ODAD2: variants seen among roughly 807,000 people sequenced by gnomAD.
The protein encoded by ODAD2 is outer dynein arm-docking complex subunit 2.
Under a neutral mutation model 106.8 loss-of-function variants are expected in ODAD2, and 89 were observed. That is an observed-to-expected ratio of 0.83 (90% confidence interval 0.70 to 0.99). The LOEUF (loss-of-function observed/expected upper bound fraction) is 0.99. ODAD2 is among the 50% of genes least tolerant of loss of function. The pLI is 0.00. For synonymous variants in ODAD2, 404 were observed against 436.2 expected (o/e 0.93, Z 0.92); for missense variants, 1,168 against 1,238.5 (o/e 0.94, Z 0.85).
Position 27,952,959 on chromosome 10 carries a change from T to A in ODAD2, c.1387-7997A>T, listed in dbSNP as rs149226430. Among the ~76,000 whole-genome samples, 78 of 152,354 alleles carry A rather than the reference T, an allele frequency of 5.1e-4. 1 individual carries two copies. The East Asian group carries it at 8.1e-3, about 16-fold the overall frequency. On this transcript the variant is annotated intron_variant, in intron 10 of 19. Coordinates refer to ENST00000305242, the MANE Select transcript of ODAD2 (RefSeq NM_018076.5). ...ATGCAAGTCTTCTCAAACTGTAGTG[T>A]GCATATATTGTTTTTCTCTTTGTTT...
intron 16 of ODAD2, among the ~76,000 whole-genome samples, chr10:27,926,366 C>T (rs940980472): frequency 6.6e-6 from 1 of 151,556 alleles, no homozygotes; most frequent in Non-Finnish European, 1.5e-5. Context: ...TCATTAAAAA[C>T]AGCCAATCAG....
intron 17 of ODAD2, among the ~76,000 whole-genome samples, chr10:27,897,107 T>G (rs1283848544): frequency 2.0e-5 from 3 of 152,150 alleles, no homozygotes; most frequent in Non-Finnish European, 4.4e-5. Flanking sequence ...TCTTGATTTC[T>G]CTCCTTTCTT....
At chr10:27,862,074 T>G (rs983683091) in intron 18 of ODAD2, among the ~76,000 whole-genome samples, 6 of 152,218 alleles carry the variant, frequency 3.9e-5, no homozygotes, top group African/African-American at 1.4e-4. Context: ...GGGAGGCACA[T>G]TTGATTTCTA....
intron 17 of ODAD2, among the ~76,000 whole-genome samples, chr10:27,885,658 T>C (rs1229444975): frequency 6.6e-5 from 4 of 60,466 alleles, no homozygotes; most frequent in Non-Finnish European, 1.1e-4. Flanking sequence ...TTATATATAA[T>C]ATATTATATA....
Position 27,822,914 on chromosome 10 carries a change from A to C in ODAD2, c.3022-10289T>G, listed in dbSNP as rs191052399. The stretch of plus-strand genomic sequence containing the variant: ...GGGTTTTCTTCCATGTTTCTTCACG[A>C]ACTTTCCACTAGAGAGCTTTAATGC... On this transcript the variant is annotated intron_variant, in intron 19 of 19. Coordinates refer to ENST00000305242, the MANE Select transcript of ODAD2 (RefSeq NM_018076.5). 1.6e-4 allele frequency among the ~76,000 whole-genome samples: 24 copies of C among 152,288 alleles called. 1 individual carries two copies. Among genetic ancestry groups the C allele is most frequent in the Admixed American group, 1.4e-3 (22 of 15,294 alleles).
chr10:27,832,921 A>T (rs910600985), intron 19 of ODAD2, among the ~76,000 whole-genome samples: 2 of 152,156 alleles, frequency 1.3e-5, no homozygotes, highest in Non-Finnish European at 2.9e-5. Context: ...AATAGGAATA[A>T]TTTTTTTCAA....
chr10:27,982,866 CTG>C (rs1452903227), intron 6 of ODAD2, among the ~76,000 whole-genome samples: 2 of 152,218 alleles, frequency 1.3e-5, no homozygotes, highest in Non-Finnish European at 2.9e-5. Flanking sequence ...ATCCAGAACA[CTG>C]TGTGCTGTTT....
rs149402765 is a variant in ODAD2 at position 27,911,472 on chromosome 10, A to T, written c.2496-3695T>A. Among the ~76,000 whole-genome samples the T allele has an allele frequency of 1.6e-3, 242 of 152,300 alleles. 1 individual carries two copies. The highest frequency in any genetic ancestry group is 5.5e-3 in the African/African-American group (228 of 41,564). On this transcript the variant is annotated intron_variant, in intron 16 of 19. Coordinates refer to ENST00000305242, the MANE Select transcript of ODAD2 (RefSeq NM_018076.5). ...CTGTATTTTAATGGACCATTGGGAA[A>T]CTACAGTCTTGTGAGGGTGATAAAC...
At chr10:27,939,874 A>C in intron 14 of ODAD2, 23 bp downstream of exon 14, 11 of 1,471,832 alleles carry the variant, frequency 7.5e-6, no homozygotes, top group Non-Finnish European at 1.0e-5. Flanking sequence ...AACGCCAACA[A>C]CCGCTGGGAG....
chr10:27,937,091 A>G (rs1368783701), intron 14 of ODAD2, among the ~76,000 whole-genome samples: 2 of 152,164 alleles, frequency 1.3e-5, no homozygotes, highest in Non-Finnish European at 2.9e-5. Flanking sequence ...AATGGATAGC[A>G]GTTTCTAAGT....
At position 27,982,817 on chromosome 10, in the gene ODAD2, G is replaced by A. The variant is rs117992370; in HGVS notation, c.819+1026C>T. Among the ~76,000 whole-genome samples the A allele has an allele frequency of 2.1e-3, 321 of 152,292 alleles. 13 individuals carry two copies. The East Asian group carries it at 0.038, about 18-fold the overall frequency. On this transcript the variant is annotated intron_variant, in intron 6 of 19. Transcript: ENST00000305242. ...AGAGGTGAAAGCTAAGCTCCTTCTA[G>A]CTGGTTCTGTGAATAGGGATGAGAC...
chr10:27,937,962 T>C (rs1047250839), intron 14 of ODAD2, among the ~76,000 whole-genome samples: 1 of 152,130 alleles, frequency 6.6e-6, no homozygotes, highest in African/African-American at 2.4e-5. Context: ...TTTTGTTTTT[T>C]AGATCGAGTT....
At position 27,896,223 on chromosome 10, in the gene ODAD2, T is replaced by C. The variant is rs1842844807; in HGVS notation, c.2610+11440A>G. Among the ~76,000 whole-genome samples the C allele has an allele frequency of 1.3e-5, 2 of 152,218 alleles. 1 individual carries two copies. The highest frequency in any genetic ancestry group is 4.8e-5 in the African/African-American group (2 of 41,466). On this transcript the variant is annotated intron_variant, in intron 17 of 19. Coordinates refer to ENST00000305242, the MANE Select transcript of ODAD2 (RefSeq NM_018076.5). The stretch of plus-strand genomic sequence containing the variant: ...ATTTTGTCCCTGCATATTTAGTTAA[T>C]TCAATAAATGGAAATATCTTCCTTA...
At chr10:27,955,901 G>A (rs1342522524) in intron 10 of ODAD2, among the ~76,000 whole-genome samples, 1 of 152,092 alleles carries the variant, frequency 6.6e-6, no homozygotes, top group Non-Finnish European at 1.5e-5. Context: ...TTCTGAAGCT[G>A]GCAGCCCGGT....
In ODAD2 at chr10:27,838,255, G is replaced by T. The variant is rs148567543; in HGVS notation, c.3021+22370C>A. 9.6e-4 allele frequency among the ~76,000 whole-genome samples: 146 copies of T among 152,304 alleles called. 1 individual carries two copies. The highest frequency in any genetic ancestry group is 3.3e-3 in the African/African-American group (136 of 41,562). On this transcript the variant is annotated intron_variant, in intron 19 of 19. Coordinates refer to ENST00000305242, the MANE Select transcript of ODAD2 (RefSeq NM_018076.5). ...CATGAAGTCTGAAATACCATTATTA[G>T]TAGTAGTAATTCTTACATTTAGCAT...
At chr10:27,867,349 G>A (rs1840517046) in intron 17 of ODAD2, among the ~76,000 whole-genome samples, 1 of 152,178 alleles carries the variant, frequency 6.6e-6, no homozygotes, top group Non-Finnish European at 1.5e-5. Flanking sequence ...GTCTGATGGT[G>A]CTGGGGTGTT....
chr10:27,829,542 G>A (rs1164075001), intron 19 of ODAD2, among the ~76,000 whole-genome samples: 3 of 152,072 alleles, frequency 2.0e-5, no homozygotes, highest in Admixed American at 2.0e-4. Flanking sequence ...GTCAAATGTG[G>A]TTGTTATTTC....
At chr10:27,916,566 G>T (rs973123028) in intron 16 of ODAD2, among the ~76,000 whole-genome samples, 1 of 151,892 alleles carries the variant, frequency 6.6e-6, no homozygotes, top group Non-Finnish European at 1.5e-5. Context: ...CAAGGCCAAC[G>T]CCTCTTCTTC....
At chr10:27,956,411 C>T (rs1406037800) in intron 10 of ODAD2, among the ~76,000 whole-genome samples, 1 of 152,174 alleles carries the variant, frequency 6.6e-6, no homozygotes, top group Non-Finnish European at 1.5e-5. Context: ...AGGCCTCCAT[C>T]ATTGCAGCAA....
Sources: gnomAD v4.1 joint callset for allele counts (sites outside exome capture counted in the v4.1 genomes callset) on GRCh38, gnomAD v4.1.1 for gene constraint, MANE v1.5 for transcripts, NCBI Gene and HGNC (gene_info 2026-07-23, HGNC 2026-07-21) for gene names.